The following FOXK1 variants were observed in gnomAD, a reference collection of about 807,000 sequenced individuals.
FOXK1 encodes the protein forkhead box K1.
A neutral mutation model predicts 51.9 loss-of-function variants in FOXK1; 19 were observed. That is an observed-to-expected ratio of 0.37 (90% CI 0.26 to 0.54). FOXK1 has a LOEUF of 0.54. FOXK1 is among the 20% of genes least tolerant of loss of function. The probability of loss-of-function intolerance (pLI) is 0.87; values close to 1 mark genes in which losing one functional copy is unlikely to be tolerated. For synonymous variants in FOXK1, 537 were observed against 482.6 expected, an observed-to-expected ratio of 1.11 and a Z score of -1.48; for missense variants, 870 against 1,032.7, an observed-to-expected ratio of 0.84 and a Z score of 2.16.
At position 4,761,030 on chromosome 7, in the gene FOXK1, C is replaced by T. The variant is rs758131599; in HGVS notation, c.1697-34C>T. 66 of 1,583,048 alleles carry T rather than the reference C, an allele frequency of 4.2e-5. 1 individual carries two copies. Among genetic ancestry groups the T allele is most frequent in the South Asian group, 3.3e-4 (30 of 90,454 alleles). On this transcript the variant is annotated intron_variant, in intron 7 of 8. Transcript: ENST00000328914. The surrounding 1 kb of genome is among the most constrained non-coding windows in gnomAD (Gnocchi z 6.2). ...CGAGGAAATCGATTGTCTCGTTGGC[C>T]GAGTGTGGTGCTGACTTGGTTCCTG...
chr7:4,751,300 A>T (rs78082435), intron 2 of FOXK1, among the ~76,000 whole-genome samples: 1 of 144,326 alleles, frequency 6.9e-6, no homozygotes, highest in Admixed American at 6.8e-5. Context: ...GGGATTACCA[A>T]TCCCAAAGCA....
chr7:4,694,706 G>A (rs1224588280), intron 1 of FOXK1, among the ~76,000 whole-genome samples: 1 of 152,204 alleles, frequency 6.6e-6, no homozygotes, highest in Non-Finnish European at 1.5e-5. Context: ...TCTGTAGGAT[G>A]ACCCGTGTGG....
intron 2 of FOXK1, among the ~76,000 whole-genome samples, chr7:4,746,147 G>A (rs941382992): frequency 1.3e-5 from 2 of 152,120 alleles, no homozygotes; most frequent in East Asian, 1.9e-4. Context: ...AAAGTAACTC[G>A]TACAATTCGG....
intron 1 of FOXK1, among the ~76,000 whole-genome samples, chr7:4,706,950 A>C (rs913274288): frequency 6.6e-6 from 1 of 152,182 alleles, no homozygotes; most frequent in Non-Finnish European, 1.5e-5. Context: ...GCTGTGCCCT[A>C]GACTTCCGGG....
chr7:4,717,606 T>C (rs1780253225), intron 1 of FOXK1, among the ~76,000 whole-genome samples: 1 of 152,070 alleles, frequency 6.6e-6, no homozygotes, highest in Admixed American at 6.5e-5. Context: ...GGCAAGTGTC[T>C]GTGAAGCGCA....
At chr7:4,708,292 A>G (rs1157475758) in intron 1 of FOXK1, among the ~76,000 whole-genome samples, 1 of 152,148 alleles carries the variant, frequency 6.6e-6, no homozygotes, top group African/African-American at 2.4e-5. Flanking sequence ...CTTTGTAAAC[A>G]TGACCTAGTT....
chr7:4,759,708 C>A, intron 7 of FOXK1, 113 bp downstream of exon 7: 2 of 1,231,604 alleles, frequency 1.6e-6, no homozygotes, highest in Non-Finnish European at 2.2e-6. Flanking sequence ...GGATGATTCT[C>A]TGCTTCTGCC....
intron 1 of FOXK1, among the ~76,000 whole-genome samples, chr7:4,706,551 A>C (rs1233287719): frequency 6.6e-6 from 1 of 152,300 alleles, no homozygotes; most frequent in Non-Finnish European, 1.5e-5. Context: ...CCTCCTATCA[A>C]GAAGGAACCT....
chr7:4,738,518 G>C (rs1391214182), intron 1 of FOXK1, among the ~76,000 whole-genome samples: 1 of 152,166 alleles, frequency 6.6e-6, no homozygotes, highest in African/African-American at 2.4e-5. Flanking sequence ...CACTGGGCTG[G>C]ACTGAAGAAA....
chr7:4,737,981 G>C (rs1045677404), intron 1 of FOXK1, among the ~76,000 whole-genome samples: 1 of 152,070 alleles, frequency 6.6e-6, no homozygotes, highest in Non-Finnish European at 1.5e-5. Context: ...AATTAGCTGG[G>C]CGTGGTGGCG....
Position 4,745,450 on chromosome 7 carries a change from G to A in FOXK1, c.746+4427G>A, listed in dbSNP as rs1197611030. 1.4e-5 allele frequency among the ~76,000 whole-genome samples: 2 copies of A among 139,898 alleles called. No individual in the cohort carries two copies. The highest frequency in any genetic ancestry group is 5.6e-4 in the South Asian group (2 of 3,560). 91.8% of individuals were successfully genotyped at this position (139,898 alleles called of 152,430 possible). On this transcript the variant is annotated intron_variant, in intron 2 of 8. Coordinates refer to ENST00000328914, the MANE Select transcript of FOXK1 (RefSeq NM_001037165.2). This position sits in a 1 kb window ranked among gnomAD's most constrained non-coding sequence, Gnocchi z 4.3. ...TCGCTCCTTTTCCCAGGGTGGGTGGGTATGGGTGTGGGTGTGTGGTTTTGT... is the reference window on the plus strand; with the variant it reads ...TCGCTCCTTTTCCCAGGGTGGGTGGATATGGGTGTGGGTGTGTGGTTTTGT...
chr7:4,720,855 A>AT (rs1780300163), intron 1 of FOXK1, among the ~76,000 whole-genome samples: 1 of 151,664 alleles, frequency 6.6e-6, no homozygotes, highest in Non-Finnish European at 1.5e-5. Flanking sequence ...AGCACCTGGA[A>AT]TTAGAGACAT....
At chr7:4,708,115 G>A (rs184205427) in intron 1 of FOXK1, among the ~76,000 whole-genome samples, 4 of 152,178 alleles carry the variant, frequency 2.6e-5, no homozygotes, top group Admixed American at 2.0e-4. Flanking sequence ...CCTGGAACCC[G>A]CCCCGCCCTC....
chr7:4,728,733 A>AG (rs1424581226), intron 1 of FOXK1, among the ~76,000 whole-genome samples: 2 of 136,734 alleles, frequency 1.5e-5, no homozygotes, highest in African/African-American at 5.7e-5. Flanking sequence ...TCTTTTTGAA[A>AG]AAAAAAAAAA....
chr7:4,711,438 G>C lies in FOXK1; in HGVS notation c.560+28570G>C, dbSNP rs1434372923. ...GGAGTGATTCCTGGATGTTGAGGAG[G>C]GAGAGATCTGGAGTTAAGGAAGATG... On this transcript the variant is annotated intron_variant, in intron 1 of 8. Transcript: ENST00000328914. The surrounding 1 kb of genome is among the most constrained non-coding windows in gnomAD (Gnocchi z 6.3). Among the ~76,000 whole-genome samples, 8 of 152,130 alleles carry C rather than the reference G, an allele frequency of 5.3e-5. No individual in the cohort carries two copies. Among genetic ancestry groups the C allele is most frequent in the Admixed American group, 5.2e-4 (8 of 15,276 alleles).
chr7:4,762,535 G>T lies in FOXK1; in HGVS notation c.*71G>T. The stretch of plus-strand genomic sequence containing the variant: ...CGAAGCTGGACCCGGCAGCTCAGGC[G>T]GCCGCACCCACAGACGGAGGAGAAC... On this transcript the variant is annotated 3_prime_UTR_variant, in exon 9 of 9. Coordinates refer to ENST00000328914, the MANE Select transcript of FOXK1 (RefSeq NM_001037165.2). The surrounding 1 kb of genome is among the most constrained non-coding windows in gnomAD (Gnocchi z 5.7). The T allele has an allele frequency of 6.9e-7, 1 of 1,447,396 alleles. No homozygotes were observed. The highest frequency in any genetic ancestry group is 9.2e-7 in the Non-Finnish European group (1 of 1,082,514). The allele number at this position is 1,447,396 out of a possible 1,614,324, so 89.7% of individuals were successfully genotyped here.
Position 4,768,167 on chromosome 7 carries a change from C to G in FOXK1, c.*5703C>G, listed in dbSNP as rs1209130344. The G allele has an allele frequency of 6.7e-5, 7 of 103,886 alleles. No homozygotes were observed. The highest frequency in any genetic ancestry group is 1.0e-4 in the African/African-American group (2 of 19,972). 6.4% of individuals were successfully genotyped at this position (103,886 alleles called of 1,614,324 possible). On this transcript the variant is annotated 3_prime_UTR_variant, in exon 9 of 9. Transcript: ENST00000328914. ...TTTTTTTTTGAGACGGAGTCTCGCT[C>G]TGTCGCCCAGGCTGGAGTGCAGTGG...
At chr7:4,757,362 T>C (rs1279055422) in intron 5 of FOXK1, among the ~76,000 whole-genome samples, 175 bp downstream of exon 5, 1 of 151,958 alleles carries the variant, frequency 6.6e-6, no homozygotes, top group Non-Finnish European at 1.5e-5. Flanking sequence ...GCGCGGTGGC[T>C]CACGCCTGTA....
In FOXK1 at chr7:4,768,214, G is replaced by C. The variant is rs1213571573; in HGVS notation, c.*5750G>C. The C allele has an allele frequency of 2.5e-5, 3 of 121,082 alleles. No individual in the cohort carries two copies. Among genetic ancestry groups the C allele is most frequent in the Admixed American group, 9.0e-5 (1 of 11,160 alleles). The allele number at this position is 121,082 out of a possible 1,614,324, so 7.5% of individuals were successfully genotyped here. On this transcript the variant is annotated 3_prime_UTR_variant, in exon 9 of 9. Transcript: ENST00000328914. ...GTGGCGTGATCTCGGCTCACTGCAA[G>C]CTCCGCCTCCCGGGTTCACGCCATT...
Sources: allele counts gnomAD v4.1 joint callset (sites outside exome capture counted in the v4.1 genomes callset), GRCh38; gene constraint gnomAD v4.1.1; non-coding constraint Gnocchi (gnomAD v3.1); transcripts MANE v1.5; gene names NCBI Gene and HGNC (gene_info 2026-07-23, HGNC 2026-07-21).